PCDH15: variants seen among roughly 807,000 people sequenced by gnomAD.
PCDH15 encodes protocadherin related 15, also known as protocadherin-15.
PCDH15 carries 129 observed loss-of-function variants against 178.5 expected under a neutral mutation model. The ratio of observed to expected loss-of-function variants is 0.72; its 90% CI spans 0.63 to 0.84. The LOEUF is 0.84. Among genes scored for constraint, PCDH15 ranks in the 40% least tolerant of loss-of-function variants. The probability of loss-of-function intolerance (pLI) is 0.00; values close to 1 mark genes in which losing one functional copy is unlikely to be tolerated. For synonymous variants in PCDH15, 800 were observed against 732.0 expected (o/e 1.09, Z -1.50); for missense variants, 2,230 against 2,099.9 (o/e 1.06, Z -1.21).
At chr10:54,908,377 G>A (rs1954761777) in intron 2 of PCDH15, among the ~76,000 whole-genome samples, 4 of 152,224 alleles carry the variant, frequency 2.6e-5, no homozygotes, top group African/African-American at 9.6e-5. Flanking sequence ...GTGATAGTGG[G>A]GTTTGCAGTG....
intron 2 of PCDH15, among the ~76,000 whole-genome samples, chr10:54,596,910 A>G (rs754342935): frequency 1.3e-5 from 2 of 152,174 alleles, no homozygotes; most frequent in Non-Finnish European, 2.9e-5. Context: ...GCCTATATAT[A>G]CATGCACCTA....
At position 55,108,708 on chromosome 10, in the gene PCDH15, TA is replaced by T. The variant is rs35620650; in HGVS notation, c.-80+57867del. On this transcript the variant is annotated intron_variant, in intron 2 of 5. Transcript: ENST00000458638. ...ATTCCTAATTGGCTAGGTTTCCAAA[TA>T]AAAAAAAAAACAATAAATTTTAGGT... Among the ~76,000 whole-genome samples the T allele has an allele frequency of 9.9e-3, 1,423 of 144,376 alleles. 32 individuals carry two copies. The highest frequency in any genetic ancestry group is 0.032 in the African/African-American group (1,300 of 40,116). The allele number at this position is 144,376 out of a possible 152,430, so 94.7% of individuals were successfully genotyped here. A position where few individuals can be genotyped will look rare whatever the true frequency, so the allele number is the denominator to read the frequency against.
intron 1 of PCDH15, among the ~76,000 whole-genome samples, chr10:54,782,499 C>A (rs574331278): frequency 7.9e-5 from 12 of 152,168 alleles, no homozygotes; most frequent in Non-Finnish European, 1.3e-4. Context: ...ACTAACCTAC[C>A]AAATCTGTTC....
rs188871426 is a variant in PCDH15 at position 54,641,027 on chromosome 10, C to A, written c.91+23145G>T. 1.8e-3 allele frequency: 360 copies of A among 202,768 alleles called. 2 individuals are homozygous for A. Among genetic ancestry groups the A allele is most frequent in the African/African-American group, 7.7e-3 (323 of 41,998 alleles). The allele number at this position is 202,768 out of a possible 1,614,324, so 12.6% of individuals were successfully genotyped here. On this transcript the variant is annotated intron_variant, in intron 2 of 37. Coordinates refer to ENST00000644397, the MANE Select transcript of PCDH15 (RefSeq NM_001384140.1). ...GCTGAGGCAGGAGAATAACTTGAAC[C>A]CAGGAGGCGGAGGTTGTGGTAAGCC...
chr10:55,555,217 C>T (rs892967478), intron 2 of PCDH15, among the ~76,000 whole-genome samples: 3 of 151,958 alleles, frequency 2.0e-5, no homozygotes, highest in Admixed American at 6.6e-5. Flanking sequence ...CCACTTAATC[C>T]TCACAATGAT....
At chr10:55,150,127 A>T (rs532224843) in intron 2 of PCDH15, among the ~76,000 whole-genome samples, 1 of 151,998 alleles carries the variant, frequency 6.6e-6, no homozygotes, top group African/African-American at 2.4e-5. Context: ...AGAAGAGGAG[A>T]GAAGACAAGA....
intron 21 of PCDH15, among the ~76,000 whole-genome samples, chr10:53,972,030 C>T (rs1161071391): frequency 1.3e-5 from 2 of 152,162 alleles, no homozygotes; most frequent in East Asian, 3.8e-4. Flanking sequence ...TACCTGACTT[C>T]AAACTATACT....
chr10:55,480,885 T>C (rs1342346574), intron 2 of PCDH15, among the ~76,000 whole-genome samples: 3 of 151,790 alleles, frequency 2.0e-5, no homozygotes, highest in Admixed American at 2.0e-4. Flanking sequence ...CCTTTTCAAT[T>C]TTTTGGAATA....
rs928183248 is a variant in PCDH15 at position 55,167,528 on chromosome 10, AATT to A, written c.-155-880_-155-878del. On this transcript the variant is annotated intron_variant, in intron 1 of 5. Coordinates refer to the PCDH15 transcript ENST00000458638. Reference sequence around the variant, plus strand: ...TTTATGCTTTGTCAAAGTAGAAATAAATTAATTTTATGATGATGTAATATAAAA... The same window carrying A: ...TTTATGCTTTGTCAAAGTAGAAATAAAATTTTATGATGATGTAATATAAAA... Among the ~76,000 whole-genome samples, 111 of 152,308 alleles carry A rather than the reference AATT, an allele frequency of 7.3e-4. 1 individual carries two copies. The highest frequency in any genetic ancestry group is 3.4e-3 in the Middle Eastern group (1 of 294).
At chr10:54,663,272 C>T (rs1691275648) in intron 2 of PCDH15, among the ~76,000 whole-genome samples, 1 of 151,638 alleles carries the variant, frequency 6.6e-6, no homozygotes, top group Admixed American at 6.6e-5. Context: ...AACCAGTTTG[C>T]TTGTCTGTGC....
intron 2 of PCDH15, among the ~76,000 whole-genome samples, chr10:54,621,263 C>T (rs938841378): frequency 6.6e-6 from 1 of 151,728 alleles, no homozygotes; most frequent in Admixed American, 6.6e-5. Flanking sequence ...CCTTCCAAAC[C>T]CCATGCTAGC....
intron 3 of PCDH15, among the ~76,000 whole-genome samples, chr10:54,408,374 T>A (rs1311404888): frequency 6.6e-6 from 1 of 152,146 alleles, no homozygotes; most frequent in African/African-American, 2.4e-5. Flanking sequence ...AATTATTCCA[T>A]ATATGTAAAA....
intron 20 of PCDH15, among the ~76,000 whole-genome samples, chr10:54,016,957 C>T (rs140527551): frequency 0.011 from 1,678 of 152,184 alleles, 32 homozygotes; most frequent in African/African-American, 0.039. Context: ...ATTCCCTAAA[C>T]CTTTTGAATT....
At chr10:53,949,318 T>C (rs560231041) in intron 23 of PCDH15, among the ~76,000 whole-genome samples, 315 of 152,334 alleles carry the variant, frequency 2.1e-3, no homozygotes, top group African/African-American at 6.8e-3. Context: ...AGCTCTTACA[T>C]TGGACAACAA....
In PCDH15 at chr10:55,611,828, C is replaced by A. The variant is rs138581333; in HGVS notation, c.-156+15797G>T. On this transcript the variant is annotated intron_variant, in intron 2 of 5. Coordinates refer to the PCDH15 transcript ENST00000613346. ...TATAGTGTATATACACAATGGAATA[C>A]TATTCAGCTTTTAAAAAGGAGAAAA... Among the ~76,000 whole-genome samples, 11 of 152,034 alleles carry A rather than the reference C, an allele frequency of 7.2e-5. No individual in the cohort carries two copies. In the East Asian group the frequency reaches 2.1e-3, roughly 29 times the overall value.
intron 8 of PCDH15, among the ~76,000 whole-genome samples, chr10:54,268,448 C>T (rs1354125915): frequency 6.6e-6 from 1 of 151,906 alleles, no homozygotes; most frequent in Admixed American, 6.6e-5. Context: ...AACTAAAGAG[C>T]TTCTGCACAG....
chr10:54,135,445 A>T lies in PCDH15; in HGVS notation c.1785-2438T>A, dbSNP rs186161090. Reference sequence around the variant, plus strand: ...ATAATTATTAATGTAAACATGAAACAATGGGAAGTTACAAAATGTATTGTA... The same window carrying T: ...ATAATTATTAATGTAAACATGAAACTATGGGAAGTTACAAAATGTATTGTA... On this transcript the variant is annotated intron_variant, in intron 14 of 37. Transcript: ENST00000644397. 2.6e-5 allele frequency among the ~76,000 whole-genome samples: 4 copies of T among 152,302 alleles called. No homozygotes were observed. In the East Asian group the frequency reaches 5.8e-4, roughly 22 times the overall value.
rs7071767 is a variant in PCDH15, at chr10:54,657,930, T to G, written c.91+6242A>C. 1.0e-3 allele frequency among the ~76,000 whole-genome samples: 155 copies of G among 152,226 alleles called. 1 individual carries two copies. Among genetic ancestry groups the G allele is most frequent in the African/African-American group, 3.5e-3 (147 of 41,540 alleles). On this transcript the variant is annotated intron_variant, in intron 2 of 37. Transcript: ENST00000644397. ...CAAGGAATTTCAATCAGAAAAATGA[T>G]GAAGGATATAAAAGGCAAAATAGCT...
intron 28 of PCDH15, among the ~76,000 whole-genome samples, chr10:53,846,048 A>ACG (rs1185506459): frequency 6.6e-6 from 1 of 151,486 alleles, no homozygotes; most frequent in African/African-American, 2.4e-5. Context: ...ACACACACAC[A>ACG]CAAACAAAAA....
Sources: allele counts gnomAD v4.1 joint callset (sites outside exome capture counted in the v4.1 genomes callset), GRCh38; gene constraint gnomAD v4.1.1; transcripts MANE v1.5; gene names NCBI Gene and HGNC (gene_info 2026-07-23, HGNC 2026-07-21).